CADM2: variants seen among roughly 807,000 people sequenced by gnomAD.
CADM2 encodes cell adhesion molecule 2, also known as immunoglobulin superfamily member 4D.
Under a neutral mutation model 49.8 loss-of-function variants are expected in CADM2, and 12 were observed. The observed-to-expected ratio is 0.24, with a 90% confidence interval of 0.15 to 0.39. CADM2 has a LOEUF of 0.39. Ranked by LOEUF, CADM2 falls within the 10% of genes least tolerant of loss-of-function variation. CADM2 has a pLI of 1.00. For missense variants in CADM2, 378 were observed against 492.3 expected (o/e 0.77, Z 2.20); for synonymous variants, 214 against 175.4 (o/e 1.22, Z -1.74).
intron 1 of CADM2, among the ~76,000 whole-genome samples, chr3:85,086,170 T>C (rs760458225): frequency 6.6e-6 from 1 of 152,124 alleles, no homozygotes; most frequent in Non-Finnish European, 1.5e-5. Flanking sequence ...GATACTAAGA[T>C]ACTGCTACTA....
intron 1 of CADM2, among the ~76,000 whole-genome samples, chr3:85,557,928 C>T (rs1225535357): frequency 6.6e-6 from 1 of 152,038 alleles, no homozygotes; most frequent in African/African-American, 2.4e-5. Context: ...AAACAATAGA[C>T]ACAAATCTAC....
intron 1 of CADM2, among the ~76,000 whole-genome samples, chr3:85,118,803 G>A (rs940405580): frequency 1.3e-5 from 2 of 152,188 alleles, no homozygotes; most frequent in African/African-American, 4.8e-5. Flanking sequence ...AGGCTGGAGT[G>A]CAATGGCGCG....
intron 2 of CADM2, among the ~76,000 whole-genome samples, chr3:85,760,895 G>T (rs981679558): frequency 1.3e-5 from 2 of 152,106 alleles, no homozygotes; most frequent in African/African-American, 4.8e-5. Context: ...AGAACAAAAT[G>T]GTAGAAAGGT....
intron 2 of CADM2, among the ~76,000 whole-genome samples, chr3:85,738,836 G>A (rs4452341): frequency 0.53 from 80,473 of 151,850 alleles, 22,078 homozygotes; most frequent in African/African-American, 0.68. Context: ...AACTAGAAAT[G>A]TATTTAGTGA....
chr3:85,217,932 T>G (rs1283620600), intron 1 of CADM2, among the ~76,000 whole-genome samples: 1 of 152,098 alleles, frequency 6.6e-6, no homozygotes, highest in Non-Finnish European at 1.5e-5. Context: ...GTCACCTTTT[T>G]TATTCTCTTT....
chr3:85,569,391 A>C (rs995566928), intron 1 of CADM2, among the ~76,000 whole-genome samples: 7 of 152,116 alleles, frequency 4.6e-5, no homozygotes, highest in Non-Finnish European at 5.9e-5. Flanking sequence ...GGGGTTATTA[A>C]GAATAAAGCT....
At chr3:85,222,794 G>T (rs533660713) in intron 1 of CADM2, among the ~76,000 whole-genome samples, 5 of 152,134 alleles carry the variant, frequency 3.3e-5, no homozygotes, top group African/African-American at 1.2e-4. Context: ...AGCCAAACTG[G>T]ATAACTCATT....
chr3:85,650,704 G>C, intron 1 of CADM2, among the ~76,000 whole-genome samples: 1 of 151,842 alleles, frequency 6.6e-6, no homozygotes, highest in East Asian at 1.9e-4. Context: ...GAGCCCTCCA[G>C]GTGATTATGT....
At chr3:85,349,852 G>T (rs1219375053) in intron 1 of CADM2, among the ~76,000 whole-genome samples, 1 of 152,206 alleles carries the variant, frequency 6.6e-6, no homozygotes, top group Non-Finnish European at 1.5e-5. Flanking sequence ...GTAAGAACTG[G>T]ACTAGGATGG....
At chr3:85,899,938 T>C (rs1422093514) in intron 5 of CADM2, among the ~76,000 whole-genome samples, 5 of 152,180 alleles carry the variant, frequency 3.3e-5, no homozygotes, top group African/African-American at 7.2e-5. Flanking sequence ...GTCCACTCTT[T>C]GTCCATCTCT....
intron 3 of CADM2, among the ~76,000 whole-genome samples, chr3:85,869,627 T>G (rs2075844066): frequency 1.3e-5 from 2 of 152,040 alleles, no homozygotes; most frequent in African/African-American, 4.8e-5. Flanking sequence ...AAAGTTCTTG[T>G]TTCCTTTATC....
intron 1 of CADM2, among the ~76,000 whole-genome samples, chr3:85,132,037 G>A (rs1465014565): frequency 6.6e-6 from 1 of 152,106 alleles, no homozygotes; most frequent in Non-Finnish European, 1.5e-5. Flanking sequence ...AATATGTTTT[G>A]TTATGTCTTA....
At chr3:85,046,344 C>G (rs948481059) in intron 1 of CADM2, among the ~76,000 whole-genome samples, 20 of 138,316 alleles carry the variant, frequency 1.4e-4, no homozygotes, top group African/African-American at 5.4e-4. Context: ...TTTTTGGAGT[C>G]AGATCCATGA....
Position 86,069,313 on chromosome 3 carries a change from T to C in CADM2, c.*2530T>C, listed in dbSNP as rs1325974206. ...ATATAAAATCTCATTAGAACTCTTATAAAACCAGTTAGCTAAAACAACTAG... is the reference window on the plus strand; with the variant it reads ...ATATAAAATCTCATTAGAACTCTTACAAAACCAGTTAGCTAAAACAACTAG... On this transcript the variant is annotated 3_prime_UTR_variant, in exon 10 of 10. Transcript: ENST00000383699. 6.6e-6 allele frequency: 1 copy of C among 152,054 alleles called. No homozygotes were observed. Among genetic ancestry groups the C allele is most frequent in the Middle Eastern group, 3.4e-3 (1 of 294 alleles). The allele number at this position is 152,054 out of a possible 1,614,324, so 9.4% of individuals were successfully genotyped here.
intron 1 of CADM2, among the ~76,000 whole-genome samples, chr3:85,366,980 T>A (rs1444355055): frequency 6.6e-6 from 1 of 152,040 alleles, no homozygotes; most frequent in Admixed American, 6.6e-5. Flanking sequence ...TGTCATTGGC[T>A]TTTTCTTGCA....
At chr3:85,457,286 G>C (rs1420482965) in intron 1 of CADM2, among the ~76,000 whole-genome samples, 2 of 151,834 alleles carry the variant, frequency 1.3e-5, no homozygotes, top group Non-Finnish European at 2.9e-5. Context: ...GGTGACACAG[G>C]CCTGTACTCC....
chr3:85,245,770 C>T (rs1431035709), intron 1 of CADM2, among the ~76,000 whole-genome samples: 2 of 152,150 alleles, frequency 1.3e-5, no homozygotes, highest in Non-Finnish European at 2.9e-5. Context: ...GCTATATTAA[C>T]CTAAGTTACT....
At chr3:85,722,734 A>G (rs2067552882) in intron 1 of CADM2, among the ~76,000 whole-genome samples, 1 of 152,178 alleles carries the variant, frequency 6.6e-6, no homozygotes, top group South Asian at 2.1e-4. Context: ...AAGAATAGCA[A>G]AAATGTGACT....
chr3:85,207,566 AT>A (rs2041678626), intron 1 of CADM2, among the ~76,000 whole-genome samples: 1 of 152,166 alleles, frequency 6.6e-6, no homozygotes. Flanking sequence ...ATTTTACTGA[AT>A]TTGAAATTAT....
Sources: allele counts gnomAD v4.1 joint callset (sites outside exome capture counted in the v4.1 genomes callset), GRCh38; gene constraint gnomAD v4.1.1; transcripts MANE v1.5; gene names NCBI Gene and HGNC (gene_info 2026-07-23, HGNC 2026-07-21).